Variants in KCNT2 observed in about 807,000 individuals in gnomAD.
The protein encoded by KCNT2 is potassium sodium-activated channel subfamily T member 2.
A neutral mutation model predicts 153.8 loss-of-function variants in KCNT2; 67 were observed. The ratio of observed to expected loss-of-function variants is 0.44; its 90% CI spans 0.36 to 0.53. KCNT2 has a LOEUF of 0.53. Among genes scored for constraint, KCNT2 ranks in the 20% least tolerant of loss-of-function variants. The pLI is 0.00. For synonymous variants in KCNT2, 500 were observed against 458.8 expected (o/e 1.09, Z -1.15); for missense variants, 975 against 1,354.8 (o/e 0.72, Z 4.40).
At chr1:196,499,833 A>G (rs1218603142) in intron 1 of KCNT2, among the ~76,000 whole-genome samples, 1 of 152,084 alleles carries the variant, frequency 6.6e-6, no homozygotes, top group Non-Finnish European at 1.5e-5. Context: ...AGTAACATAG[A>G]TATCAACTTT....
chr1:196,426,792 G>A (rs1037279118), intron 10 of KCNT2, among the ~76,000 whole-genome samples: 2 of 151,758 alleles, frequency 1.3e-5, no homozygotes, highest in African/African-American at 4.8e-5. Flanking sequence ...TAAGAGAGGG[G>A]CCTGATGGGA....
At position 196,429,755 on chromosome 1, in the gene KCNT2, A is replaced by C; in HGVS notation, c.641T>G (p.Ile214Ser). 1 of 1,588,666 alleles carries C rather than the reference A, an allele frequency of 6.3e-7. No homozygotes were observed. The highest frequency in any genetic ancestry group is 8.6e-7 in the Non-Finnish European group (1 of 1,168,644). ...TCGTTCCAGATGTTGGATCCCACAA[A>C]TGCTAAAGAAACAAATATGCATTAC... is the stretch of plus-strand genomic sequence containing the variant. ...STLLCLIFTC[I>S]CGIQHLERIG... The change falls in exon 9 of 28, where the codon ATT becomes AGT. Residue 214 changes from isoleucine (I) to serine (S), a missense_variant and splice_region_variant. This residue lies in a region of KCNT2 where 202 missense variants were observed against 314.9 expected (regional missense o/e 0.64). Transcript: ENST00000294725.
intron 27 of KCNT2, among the ~76,000 whole-genome samples, chr1:196,229,109 C>T (rs1003976917): frequency 1.3e-5 from 2 of 152,048 alleles, no homozygotes; most frequent in African/African-American, 4.8e-5. Flanking sequence ...GATGTACAGG[C>T]ATGCCTTTTT....
At chr1:196,352,616 T>C (rs143887698) in intron 14 of KCNT2, among the ~76,000 whole-genome samples, 7,516 of 152,016 alleles carry the variant, frequency 0.049, 282 homozygotes, top group Non-Finnish European at 0.071. Context: ...ATTAGTCTTG[T>C]TAGTGGTCTA....
chr1:196,568,540 G>A (rs1301547774), intron 1 of KCNT2, among the ~76,000 whole-genome samples: 4 of 150,766 alleles, frequency 2.7e-5, no homozygotes, highest in Non-Finnish European at 4.4e-5. Context: ...AGCTTGCAGT[G>A]AGCAGAGATC....
chr1:196,466,846 G>A (rs1677662961), intron 7 of KCNT2, among the ~76,000 whole-genome samples: 1 of 151,900 alleles, frequency 6.6e-6, no homozygotes, highest in African/African-American at 2.4e-5. Context: ...TAAAGCCTGT[G>A]GTAAAAATGT....
chr1:196,548,365 C>T (rs1389824680), intron 1 of KCNT2, among the ~76,000 whole-genome samples: 2 of 152,052 alleles, frequency 1.3e-5, no homozygotes, highest in African/African-American at 2.4e-5. Context: ...ACAGACACTT[C>T]TCAAAAGAAG....
Position 196,428,201 on chromosome 1 carries a change from A to G in KCNT2, c.888T>C (p.Ala296=). Residue 296 remains alanine, a synonymous_variant, in exon 10 of 28, where the codon GCT becomes GCC. Transcript: ENST00000294725. ...KSGGNYSRHR[A]QTEKHVVLCV... ...ACAGGACGACATGCTTTTCAGTTTG[A>G]GCTCTATGTCGACTATAGTTTCCTC... 1.2e-6 allele frequency: 2 copies of G among 1,612,616 alleles called. No homozygotes were observed. The highest frequency in any genetic ancestry group is 1.3e-5 in the African/African-American group (1 of 75,000).
At chr1:196,443,379 C>G (rs1308510932) in intron 8 of KCNT2, among the ~76,000 whole-genome samples, 1 of 151,414 alleles carries the variant, frequency 6.6e-6, no homozygotes, top group Non-Finnish European at 1.5e-5. Flanking sequence ...AAGCTGAGGC[C>G]TCAGCTTGAT....
In KCNT2 at chr1:196,340,550, C is replaced by G; in HGVS notation, c.1574G>C (p.Gly525Ala). 1 of 1,574,714 alleles carries G rather than the reference C, an allele frequency of 6.4e-7. No individual in the cohort carries two copies. The highest frequency in any genetic ancestry group is 8.6e-7 in the Non-Finnish European group (1 of 1,163,594). The stretch of plus-strand genomic sequence containing the variant: ...GTTTTTATTATCCTCCCTCCTAACA[C>G]CAATCAAGCAGACGCCAAACCTTAA... Reference protein sequence around the residue: ...AHKKFGVCLIGVRREDNKNIL... With the variant: ...AHKKFGVCLIAVRREDNKNIL... The change falls in exon 16 of 28, where the codon GGT (glycine) becomes GCT (alanine). Residue 525 changes from glycine to alanine, a missense_variant. Around this residue, in one of 6 missense-constraint regions of KCNT2, gnomAD observed 325 missense variants for 388.1 expected, o/e 0.84. Transcript: ENST00000294725.
At chr1:196,233,287 A>G (rs1654120631) in intron 27 of KCNT2, among the ~76,000 whole-genome samples, 1 of 151,460 alleles carries the variant, frequency 6.6e-6, no homozygotes, top group Non-Finnish European at 1.5e-5. Context: ...TCTAACCAGT[A>G]TTATCAGATG....
chr1:196,230,429 C>A (rs1653849355), intron 27 of KCNT2, among the ~76,000 whole-genome samples: 4 of 152,018 alleles, frequency 2.6e-5, no homozygotes, highest in Admixed American at 2.0e-4. Context: ...GATAAGGCAC[C>A]TGGTCACCCA....
At chr1:196,484,873 G>C (rs1437334295) in intron 3 of KCNT2, among the ~76,000 whole-genome samples, 1 of 151,982 alleles carries the variant, frequency 6.6e-6, no homozygotes, top group Non-Finnish European at 1.5e-5. Context: ...TTCAACCATT[G>C]TCAAAAACAG....
intron 1 of KCNT2, among the ~76,000 whole-genome samples, chr1:196,508,189 C>CAAAAA (rs10539910): frequency 1.5e-3 from 89 of 59,944 alleles, no homozygotes; most frequent in African/African-American, 2.5e-3. Context: ...CCCTAAGTAG[C>CAAAAA]AAAAAAAAAA....
chr1:196,540,533 G>C (rs1428602370), intron 1 of KCNT2, among the ~76,000 whole-genome samples: 1 of 152,096 alleles, frequency 6.6e-6, no homozygotes, highest in African/African-American at 2.4e-5. Flanking sequence ...GATTATAGCA[G>C]CACTGAATAC....
At chr1:196,545,053 C>T (rs1377958550) in intron 1 of KCNT2, among the ~76,000 whole-genome samples, 1 of 151,910 alleles carries the variant, frequency 6.6e-6, no homozygotes, top group Non-Finnish European at 1.5e-5. Context: ...TTTAAAAATC[C>T]TAGCCCAGTG....
At chr1:196,350,246 G>A (rs1402004097) in intron 14 of KCNT2, among the ~76,000 whole-genome samples, 1 of 152,094 alleles carries the variant, frequency 6.6e-6, no homozygotes, top group Non-Finnish European at 1.5e-5. Flanking sequence ...TGGGTCAAAC[G>A]GTATTTCTAG....
intron 8 of KCNT2, among the ~76,000 whole-genome samples, chr1:196,437,620 T>G (rs771296917): frequency 2.7e-5 from 4 of 150,570 alleles, no homozygotes; most frequent in Non-Finnish European, 4.4e-5. Context: ...TTTATAGTCA[T>G]TTACTTTCAA....
In KCNT2 at chr1:196,473,223, C is replaced by T. The variant is rs560602742; in HGVS notation, c.385-4155G>A. ...CAACCGAAATCTGGGTTTTTAGAGACTTTCCTTGCCCCTTCATCATATACC... is the reference window on the plus strand; with the variant it reads ...CAACCGAAATCTGGGTTTTTAGAGATTTTCCTTGCCCCTTCATCATATACC... On this transcript the variant is annotated intron_variant, in intron 5 of 27. Transcript: ENST00000294725. Among the ~76,000 whole-genome samples the T allele has an allele frequency of 3.2e-4, 48 of 152,264 alleles. No individual in the cohort carries two copies. In the South Asian group the frequency reaches 7.5e-3, roughly 24 times the overall value.
Sources: gnomAD v4.1 joint callset for allele counts (sites outside exome capture counted in the v4.1 genomes callset) on GRCh38, gnomAD v4.1.1 for gene constraint, gnomAD v4.1.1 regional missense constraint, MANE v1.5 for transcripts, NCBI Gene and HGNC (gene_info 2026-07-23, HGNC 2026-07-21) for gene names.